CADPS2: variants seen among roughly 807,000 people sequenced by gnomAD.
CADPS2 encodes the protein calcium-dependent secretion activator 2.
In CADPS2, 93 loss-of-function variants were observed where a neutral mutation model predicts 172.5. The observed-to-expected ratio is 0.54, with a 90% confidence interval of 0.46 to 0.64. CADPS2 has a LOEUF of 0.64. Among genes scored for constraint, CADPS2 ranks in the 30% least tolerant of loss-of-function variants. The pLI, the probability that CADPS2 is intolerant of heterozygous loss-of-function variation, is 0.00. For synonymous variants in CADPS2, 546 were observed against 555.2 expected (o/e 0.98, Z 0.23); for missense variants, 1,420 against 1,565.9 (o/e 0.91, Z 1.57).
chr7:122,725,015 C>T (rs968246266), intron 2 of CADPS2, among the ~76,000 whole-genome samples: 1 of 151,882 alleles, frequency 6.6e-6, no homozygotes, highest in African/African-American at 2.4e-5. Context: ...AACTCATTAA[C>T]AAAGTTTAAA....
chr7:122,738,892 G>A lies in CADPS2; in HGVS notation c.340-1824C>T, dbSNP rs913344251. 4.7e-5 allele frequency among the ~76,000 whole-genome samples: 7 copies of A among 149,648 alleles called. No homozygotes were observed. In the South Asian group the frequency reaches 1.3e-3, roughly 27 times the overall value. On this transcript the variant is annotated intron_variant, in intron 1 of 29. Coordinates refer to ENST00000449022, the MANE Select transcript of CADPS2 (RefSeq NM_017954.11). ...AAAAACTTTTGCCATGGGCAGCGAA[G>A]AAAGAAGACCATTCCATCTCTTTAC...
intron 29 of CADPS2, among the ~76,000 whole-genome samples, chr7:122,323,757 A>G (rs1163289415): frequency 6.6e-6 from 1 of 151,610 alleles, no homozygotes; most frequent in Admixed American, 6.6e-5. Flanking sequence ...AGTAGGCATT[A>G]GCTTGAAAAT....
Position 122,319,670 on chromosome 7 carries a change from A to C in CADPS2, c.*495T>G, listed in dbSNP as rs1478577648. 1 of 152,478 alleles carries C rather than the reference A, an allele frequency of 6.6e-6. No homozygotes were observed. The highest frequency in any genetic ancestry group is 2.4e-5 in the African/African-American group (1 of 41,460). The allele number at this position is 152,478 out of a possible 1,614,324, so 9.4% of individuals were successfully genotyped here. Reference sequence around the variant, plus strand: ...TTTATACACATCACAATAATAGCAAATTAAGTACAAAACGAACCTGGCACA... The same window carrying C: ...TTTATACACATCACAATAATAGCAACTTAAGTACAAAACGAACCTGGCACA... On this transcript the variant is annotated 3_prime_UTR_variant, in exon 30 of 30. Transcript: ENST00000449022.
rs183395651 is a variant in CADPS2 at position 122,381,512 on chromosome 7, G to C, written c.3313-2070C>G. 2.2e-4 allele frequency among the ~76,000 whole-genome samples: 34 copies of C among 152,186 alleles called. 1 individual carries two copies. The highest frequency in any genetic ancestry group is 3.9e-4 in the Admixed American group (6 of 15,272). On this transcript the variant is annotated intron_variant, in intron 24 of 29. Transcript: ENST00000449022. ...CAAAGTGATCAAATGTCATCAGAAA[G>C]CTATTGTATATAAAATACAGAGCTT...
intron 1 of CADPS2, among the ~76,000 whole-genome samples, chr7:122,883,305 T>C (rs1302006867): frequency 1.3e-5 from 2 of 152,284 alleles, no homozygotes; most frequent in South Asian, 2.1e-4. Flanking sequence ...AAAGATCTTA[T>C]CTTTGTGATT....
At chr7:122,512,140 T>C (rs1485310708) in intron 9 of CADPS2, among the ~76,000 whole-genome samples, 1 of 152,112 alleles carries the variant, frequency 6.6e-6, no homozygotes, top group Admixed American at 6.6e-5. Flanking sequence ...TAAAACTACT[T>C]TTCACTGAGT....
intron 2 of CADPS2, 103 bp from the exon 3 acceptor site, chr7:122,663,672 T>C: frequency 1.2e-6 from 1 of 822,362 alleles, no homozygotes; most frequent in Non-Finnish European, 1.9e-6. Context: ...TCTACAAATA[T>C]TTCAGCCAAA....
chr7:122,635,655 A>T (rs2077002299), intron 3 of CADPS2, among the ~76,000 whole-genome samples: 1 of 152,148 alleles, frequency 6.6e-6, no homozygotes, highest in Non-Finnish European at 1.5e-5. Context: ...TATATGTGCC[A>T]CATTTTCTTA....
chr7:122,521,096 A>G (rs2060749916), intron 8 of CADPS2, among the ~76,000 whole-genome samples: 1 of 152,122 alleles, frequency 6.6e-6, no homozygotes, highest in African/African-American at 2.4e-5. Flanking sequence ...AAATCAATAT[A>G]TAGAGTAGTT....
chr7:122,632,677 T>C (rs1004789386), intron 3 of CADPS2, among the ~76,000 whole-genome samples: 1 of 152,242 alleles, frequency 6.6e-6, no homozygotes, highest in African/African-American at 2.4e-5. Context: ...TTTCTTTCGC[T>C]GTGCAGAATC....
At chr7:122,338,064 A>C (rs2036169833) in intron 28 of CADPS2, among the ~76,000 whole-genome samples, 1 of 152,238 alleles carries the variant, frequency 6.6e-6, no homozygotes, top group Non-Finnish European at 1.5e-5. Context: ...TTTAGTACAC[A>C]ATGAGGTACT....
At chr7:122,872,920 C>T (rs983451895) in intron 1 of CADPS2, among the ~76,000 whole-genome samples, 3 of 152,070 alleles carry the variant, frequency 2.0e-5, no homozygotes, top group Non-Finnish European at 4.4e-5. Flanking sequence ...GGAGACACAG[C>T]CTCTTAAAAT....
intron 20 of CADPS2, among the ~76,000 whole-genome samples, chr7:122,396,852 G>C (rs1254527091): frequency 1.3e-5 from 2 of 152,148 alleles, no homozygotes; most frequent in African/African-American, 4.8e-5. Flanking sequence ...AGGTTCTCAA[G>C]GCAGGAACTA....
intron 1 of CADPS2, among the ~76,000 whole-genome samples, chr7:122,793,862 G>T (rs1348521286): frequency 2.0e-5 from 3 of 152,078 alleles, no homozygotes; most frequent in African/African-American, 4.8e-5. Flanking sequence ...TTCTGAAAAA[G>T]ATCTTATTTC....
At chr7:122,430,550 G>T (rs953442696) in intron 17 of CADPS2, among the ~76,000 whole-genome samples, 9 of 152,108 alleles carry the variant, frequency 5.9e-5, no homozygotes, top group Non-Finnish European at 1.3e-4. Context: ...GTAAAAAAAA[G>T]ATCTCACTAT....
chr7:122,338,682 C>T (rs1274549385), intron 28 of CADPS2, among the ~76,000 whole-genome samples: 1 of 152,134 alleles, frequency 6.6e-6, no homozygotes. Context: ...CATATAACAA[C>T]TATACAGTTA....
At chr7:122,564,212 T>G (rs2066112465) in intron 7 of CADPS2, among the ~76,000 whole-genome samples, 1 of 152,122 alleles carries the variant, frequency 6.6e-6, no homozygotes, top group Non-Finnish European at 1.5e-5. Context: ...ATAACACTAA[T>G]GAAAACCTTT....
chr7:122,882,250 G>A (rs1365567018), intron 1 of CADPS2, among the ~76,000 whole-genome samples: 1 of 152,072 alleles, frequency 6.6e-6, no homozygotes, highest in Non-Finnish European at 1.5e-5. Flanking sequence ...TATGCAAAGT[G>A]GTAGGAGTGA....
Position 122,474,371 on chromosome 7 carries a change from T to A in CADPS2, c.1998+10A>T. 1 of 1,613,076 alleles carries A rather than the reference T, an allele frequency of 6.2e-7. No homozygotes were observed. The highest frequency in any genetic ancestry group is 8.5e-7 in the Non-Finnish European group (1 of 1,179,328). On this transcript the variant is annotated intron_variant, in intron 13 of 29. Transcript: ENST00000449022. ...CCAACTTATAGGGGACTAGATAGAC[T>A]TGTACTCACCAAGCAAGAATAGGAA...
Sources: allele counts gnomAD v4.1 joint callset (sites outside exome capture counted in the v4.1 genomes callset), GRCh38; gene constraint gnomAD v4.1.1; transcripts MANE v1.5; gene names NCBI Gene and HGNC (gene_info 2026-07-23, HGNC 2026-07-21).